BCOR: variants seen among roughly 807,000 people sequenced by gnomAD.
BCOR encodes BCL6 corepressor, also known as BCL-6 corepressor.
Under a neutral mutation model 86.7 loss-of-function variants are expected in BCOR, and 10 were observed. That is an observed-to-expected ratio of 0.12 (90% CI 0.07 to 0.20). The LOEUF is 0.20. Ranked by LOEUF, BCOR falls within the 10% of genes least tolerant of loss-of-function variation. The probability of loss-of-function intolerance (pLI) is 1.00; values close to 1 mark genes in which losing one functional copy is unlikely to be tolerated. For synonymous variants in BCOR, 611 were observed against 609.0 expected, an observed-to-expected ratio of 1.00 and a Z score of -0.05; for missense variants, 1,259 against 1,452.1, an observed-to-expected ratio of 0.87 and a Z score of 2.16.
rs375637817 is a variant in BCOR at position 40,077,961 on chromosome X, G to A, written c.-32C>T. On this transcript the variant is annotated 5_prime_UTR_variant, in exon 2 of 15. Transcript: ENST00000378444. ...TTCTGGGATGGCAGCTTTGCTTCAA[G>A]CGTCTAGTCTGTTAAAAGGAAAGAA... The A allele has an allele frequency of 1.4e-5, 16 of 1,132,178 alleles. No individual in the cohort carries two copies. The highest frequency in any genetic ancestry group is 6.5e-5 in the Admixed American group (3 of 45,902). 93.3% of individuals were successfully genotyped at this position (1,132,178 alleles called of 1,213,427 possible). A position where few individuals can be genotyped will look rare whatever the true frequency, so the allele number is the denominator to read the frequency against.
rs988880360 is a variant in BCOR, at chrX:40,073,711, C to T, written c.1635G>A (p.Pro545=). ...AIPQQRSSSC[P]RMGGTDAVIT... Reference sequence around the variant, plus strand: ...TGACAGCATCGGTGCCGCCCATGCGCGGGCATGATGAACTCCGCTGCTGTG... The same window carrying T: ...TGACAGCATCGGTGCCGCCCATGCGTGGGCATGATGAACTCCGCTGCTGTG... Residue 545 remains proline (P), a synonymous_variant, in exon 4 of 15, where the codon CCG becomes CCA. Transcript: ENST00000378444. 19 of 1,212,578 alleles carry T rather than the reference C, an allele frequency of 1.6e-5. No homozygotes were observed. The East Asian group carries it at 4.7e-4, about 30-fold the overall frequency.
chrX:40,119,491 G>C (rs1937451169), intron 1 of BCOR, among the ~76,000 whole-genome samples: 1 of 111,010 alleles, frequency 9.0e-6, no homozygotes, highest in Non-Finnish European at 1.9e-5. Context: ...TGGGCAACAT[G>C]GTGAAACCCC....
At chrX:40,103,289 G>C (rs1937107039) in intron 1 of BCOR, among the ~76,000 whole-genome samples, 1 of 111,750 alleles carries the variant, frequency 8.9e-6, no homozygotes, top group Non-Finnish European at 1.9e-5. Context: ...GACCAGCGTG[G>C]AGGGGAAACG....
At chrX:40,064,893 T>C (rs1246475750) in intron 6 of BCOR, among the ~76,000 whole-genome samples, 1 of 111,905 alleles carries the variant, frequency 8.9e-6, no homozygotes, top group Non-Finnish European at 1.9e-5. Flanking sequence ...CCAAGAAAGA[T>C]GGGGCGTCAA....
intron 1 of BCOR, among the ~76,000 whole-genome samples, chrX:40,165,479 T>A: frequency 8.9e-6 from 1 of 112,177 alleles, no homozygotes; most frequent in Non-Finnish European, 1.9e-5. Context: ...CAACCAGCCC[T>A]GTGCAGGAGA....
chrX:40,086,682 C>T (rs1215898869), intron 1 of BCOR, among the ~76,000 whole-genome samples: 1 of 113,870 alleles, frequency 8.8e-6, no homozygotes, highest in Non-Finnish European at 1.9e-5. Context: ...GCTGAGGAGG[C>T]GCAGCGCTGC....
rs780251555 is a variant in BCOR, at chrX:40,075,191, GAAC to G, written c.166-14_166-12del. ...CGTGCTCGCATCCACCTTTGCAGAAGAACAACATGGGTGTTACTGGGATACTCC... is the reference window on the plus strand; with the variant it reads ...CGTGCTCGCATCCACCTTTGCAGAAGAACATGGGTGTTACTGGGATACTCC... On this transcript the variant is annotated splice_polypyrimidine_tract_variant and intron_variant, in intron 3 of 14. Coordinates refer to ENST00000378444, the MANE Select transcript of BCOR (RefSeq NM_001123385.2). 3 of 1,197,305 alleles carry G rather than the reference GAAC, an allele frequency of 2.5e-6. No homozygotes were observed. Among genetic ancestry groups the G allele is most frequent in the Non-Finnish European group, 3.4e-6 (3 of 887,972 alleles).
chrX:40,120,899 C>G (rs1458690204), intron 1 of BCOR, among the ~76,000 whole-genome samples: 1 of 111,175 alleles, frequency 9.0e-6, no homozygotes, highest in Non-Finnish European at 1.9e-5. Context: ...TTAAGGTGCT[C>G]AGGGGAGGTC....
chrX:40,109,932 T>C (rs923537201), intron 1 of BCOR, among the ~76,000 whole-genome samples: 2 of 111,949 alleles, frequency 1.8e-5, no homozygotes, highest in African/African-American at 6.5e-5. Context: ...GGGAGTGGGT[T>C]CCGCGGCCCC....
At position 40,055,503 on chromosome X, in the gene BCOR, C is replaced by T; in HGVS notation, c.4606G>A (p.Asp1536Asn). 1 of 1,211,478 alleles carries T rather than the reference C, an allele frequency of 8.3e-7. No homozygotes were observed. Among genetic ancestry groups the T allele is most frequent in the Non-Finnish European group, 1.1e-6 (1 of 895,407 alleles). Reference protein sequence around the residue: ...SAQDGTRPLHDAVENDHLEIV... With the variant: ...SAQDGTRPLHNAVENDHLEIV... ...TCCAAGTGATCGTTCTCAACAGCAT[C>T]GTGCAGAGGCCTAGGAAGAGAGGCG... The change falls in exon 12 of 15, where the codon GAT (aspartate) becomes AAT (asparagine). Residue 1536 changes from aspartate to asparagine, a missense_variant. By Grantham distance (23) the Asp-to-Asn change is conservative. This residue lies in a region of BCOR where 47 missense variants were observed against 102.1 expected (regional missense o/e 0.46). Transcript: ENST00000378444.
intron 1 of BCOR, among the ~76,000 whole-genome samples, chrX:40,129,005 AGTCAC>A (rs1339411782): frequency 1.8e-5 from 2 of 112,165 alleles, no homozygotes; most frequent in Non-Finnish European, 3.8e-5. Flanking sequence ...ATGAGGCACT[AGTCAC>A]AACTAAATGA....
chrX:40,154,185 T>C (rs1014186992), intron 1 of BCOR, among the ~76,000 whole-genome samples: 1 of 112,648 alleles, frequency 8.9e-6, no homozygotes, highest in African/African-American at 3.2e-5. Context: ...TCCGTGTGGC[T>C]GCAGCGGGAA....
intron 11 of BCOR, among the ~76,000 whole-genome samples, chrX:40,056,078 CAA>C (rs1934577908): frequency 9.1e-6 from 1 of 109,733 alleles, no homozygotes; most frequent in Non-Finnish European, 1.9e-5. Context: ...CCTCGGCCTC[CAA>C]AAGTGCTGGG....
At chrX:40,157,966 G>A (rs897825165) in intron 1 of BCOR, among the ~76,000 whole-genome samples, 1 of 112,667 alleles carries the variant, frequency 8.9e-6, no homozygotes, top group Non-Finnish European at 1.9e-5. Context: ...CAAGTGCTTT[G>A]AGCCCTGTGT....
chrX:40,107,370 G>C (rs974689529), intron 1 of BCOR, among the ~76,000 whole-genome samples: 1 of 111,589 alleles, frequency 9.0e-6, no homozygotes, highest in African/African-American at 3.3e-5. Context: ...TCCAGGAGAC[G>C]CCAAACGTTC....
intron 1 of BCOR, among the ~76,000 whole-genome samples, chrX:40,176,171 G>C (rs771657619): frequency 1.9e-4 from 21 of 113,213 alleles, no homozygotes; most frequent in Admixed American, 5.5e-4. Context: ...CCGATGGTTT[G>C]TCTGCAGCAC....
intron 1 of BCOR, among the ~76,000 whole-genome samples, chrX:40,162,478 A>G (rs973031821): frequency 9.0e-6 from 1 of 111,431 alleles, no homozygotes; most frequent in African/African-American, 3.3e-5. Context: ...AACCAGATAC[A>G]TCCTGGGAAG....
intron 1 of BCOR, among the ~76,000 whole-genome samples, chrX:40,106,273 G>A (rs1712130636): frequency 9.0e-6 from 1 of 110,822 alleles, no homozygotes; most frequent in African/African-American, 3.3e-5. Flanking sequence ...CGGGAGCCGA[G>A]CGAGTGCACA....
rs1055395165 is a variant in BCOR at position 40,075,156 on chromosome X, T to C, written c.190A>G (p.Ile64Val). The change falls in exon 4 of 15, where the codon ATC becomes GTC. Residue 64 changes from isoleucine to valine, a missense_variant. Ile to Val is a conservative substitution (Grantham distance 29, BLOSUM62 3). Transcript: ENST00000378444. ...NVVDASTAHRIDGLAALSMDR... is the reference protein window; with the variant it reads ...NVVDASTAHRVDGLAALSMDR... ...ATGCTCAGTGCTGCCAGGCCATCGA[T>C]CCTATGGGCCGTGCTCGCATCCACC... The C allele has an allele frequency of 2.5e-6, 3 of 1,209,554 alleles. No homozygotes were observed. Among genetic ancestry groups the C allele is most frequent in the Middle Eastern group, 2.3e-4 (1 of 4,338 alleles).
Sources: allele counts gnomAD v4.1 joint callset (sites outside exome capture counted in the v4.1 genomes callset), GRCh38; gene constraint gnomAD v4.1.1; regional missense constraint gnomAD v4.1.1; transcripts MANE v1.5; gene names NCBI Gene and HGNC (gene_info 2026-07-23, HGNC 2026-07-21).